SMIM14: variants seen among roughly 807,000 people sequenced by gnomAD.
SMIM14 encodes the protein chromosome 4 open reading frame 34.
A neutral mutation model predicts 12.6 loss-of-function variants in SMIM14; 5 were observed. That is an observed-to-expected ratio of 0.40 (90% CI 0.21 to 0.83). The LOEUF is 0.83. Among genes scored for constraint, SMIM14 ranks in the 40% least tolerant of loss-of-function variants. SMIM14 has a pLI of 0.37. For synonymous variants in SMIM14, 30 were observed against 40.1 expected, an observed-to-expected ratio of 0.75 and a Z score of 0.95; for missense variants, 86 against 119.1, an observed-to-expected ratio of 0.72 and a Z score of 1.29.
At chr4:39,567,897 CCT>C (rs1367482649) in intron 3 of SMIM14, among the ~76,000 whole-genome samples, 1 of 151,980 alleles carries the variant, frequency 6.6e-6, no homozygotes, top group African/African-American at 2.4e-5. Context: ...AAAGTGAGAC[CCT>C]GTCTCAAAAC....
chr4:39,609,834 T>C (rs992785507), intron 1 of SMIM14, among the ~76,000 whole-genome samples: 3 of 152,200 alleles, frequency 2.0e-5, no homozygotes, highest in African/African-American at 7.2e-5. Flanking sequence ...AAAATGCTCT[T>C]TCAACAGATC....
At position 39,547,016 on chromosome 4, in the gene SMIM14, C is replaced by G. The variant is rs2109968235; in HGVS notation, c.*5110G>C. 6.6e-6 allele frequency: 1 copy of G among 152,238 alleles called. No individual in the cohort carries two copies. Among genetic ancestry groups the G allele is most frequent in the Admixed American group, 6.5e-5 (1 of 15,284 alleles). The allele number at this position is 152,238 out of a possible 1,614,324, so 9.4% of individuals were successfully genotyped here. ...GATATTAGTCCCTCAAAGTAAATGTCTATTTTACCTGGTATTCTAGGAAGA... is the reference window on the plus strand; with the variant it reads ...GATATTAGTCCCTCAAAGTAAATGTGTATTTTACCTGGTATTCTAGGAAGA... On this transcript the variant is annotated 3_prime_UTR_variant, in exon 5 of 5. Transcript: ENST00000295958.
intron 2 of SMIM14, among the ~76,000 whole-genome samples, chr4:39,581,106 T>C (rs188223243): frequency 6.6e-6 from 1 of 152,258 alleles, no homozygotes; most frequent in Non-Finnish European, 1.5e-5. Flanking sequence ...ATCCTTAATC[T>C]TCAATTTGGC....
rs144330537 is a variant in SMIM14 at position 39,633,404 on chromosome 4, T to G, written c.-36+5335A>C. Among the ~76,000 whole-genome samples, 146 of 152,330 alleles carry G rather than the reference T, an allele frequency of 9.6e-4. 4 individuals carry two copies. In the East Asian group the frequency reaches 0.027, roughly 28 times the overall value. ...TTTAAGGCCATGGTTCACCATAATA[T>G]TATTTATAATTGTGAAAAACTGGAA... On this transcript the variant is annotated intron_variant, in intron 1 of 4. Transcript: ENST00000295958.
At position 39,548,578 on chromosome 4, in the gene SMIM14, C is replaced by T. The variant is rs974564528; in HGVS notation, c.*3548G>A. 6.6e-5 allele frequency: 10 copies of T among 151,864 alleles called. No homozygotes were observed. The highest frequency in any genetic ancestry group is 2.4e-4 in the African/African-American group (10 of 41,338). The allele number at this position is 151,864 out of a possible 1,614,324, so 9.4% of individuals were successfully genotyped here. ...ATGTAAGCTTTATCTTTCTTTTTTC[C>T]TAGATTATTTAAAGAGGATTGTAGC... On this transcript the variant is annotated 3_prime_UTR_variant, in exon 5 of 5. Transcript: ENST00000295958.
intron 2 of SMIM14, among the ~76,000 whole-genome samples, chr4:39,581,432 A>C (rs568362385): frequency 7.2e-5 from 11 of 152,144 alleles, no homozygotes; most frequent in African/African-American, 2.6e-4. Flanking sequence ...GATCATCAGA[A>C]TTAAAAGACA....
chr4:39,601,237 C>T (rs1473020226), intron 2 of SMIM14, among the ~76,000 whole-genome samples: 1 of 152,122 alleles, frequency 6.6e-6, no homozygotes, highest in East Asian at 1.9e-4. Flanking sequence ...TGTAAATCAT[C>T]ATTAAAATCT....
chr4:39,580,944 AT>A (rs1489629149), intron 2 of SMIM14, among the ~76,000 whole-genome samples: 1 of 152,162 alleles, frequency 6.6e-6, no homozygotes, highest in African/African-American at 2.4e-5. Context: ...TAAAATATTA[AT>A]GTACATAAAG....
chr4:39,620,162 G>C (rs2381395), intron 1 of SMIM14, among the ~76,000 whole-genome samples: 10,704 of 148,076 alleles, frequency 0.072, 655 homozygotes, highest in East Asian at 0.25. Flanking sequence ...GAAACAGCAA[G>C]ATCCCATCTC....
intron 2 of SMIM14, among the ~76,000 whole-genome samples, chr4:39,573,443 A>G (rs1178396846): frequency 1.3e-5 from 2 of 152,170 alleles, no homozygotes; most frequent in Non-Finnish European, 2.9e-5. Context: ...ACGTATCTTC[A>G]AAATCATACA....
intron 2 of SMIM14, among the ~76,000 whole-genome samples, chr4:39,573,380 G>C (rs1288035416): frequency 6.6e-6 from 1 of 152,140 alleles, no homozygotes; most frequent in Non-Finnish European, 1.5e-5. Flanking sequence ...TTACAGGCAT[G>C]AGCCACCATG....
intron 1 of SMIM14, among the ~76,000 whole-genome samples, chr4:39,628,546 G>A (rs1029004152): frequency 6.6e-6 from 1 of 150,832 alleles, no homozygotes; most frequent in Non-Finnish European, 1.5e-5. Flanking sequence ...GGGCATAGTG[G>A]CACACGCGTA....
intron 1 of SMIM14, among the ~76,000 whole-genome samples, chr4:39,619,148 A>T (rs1715337727): frequency 6.7e-6 from 1 of 149,046 alleles, no homozygotes; most frequent in South Asian, 2.1e-4. Flanking sequence ...GAAAATTGAG[A>T]TAATTATAAT....
intron 3 of SMIM14, among the ~76,000 whole-genome samples, chr4:39,568,150 A>G (rs975298071): frequency 2.0e-5 from 3 of 151,730 alleles, no homozygotes; most frequent in Non-Finnish European, 2.9e-5. Flanking sequence ...GTGGTAGTGC[A>G]TTCCTGTAAT....
At chr4:39,613,744 C>T (rs1428754783) in intron 1 of SMIM14, among the ~76,000 whole-genome samples, 1 of 152,086 alleles carries the variant, frequency 6.6e-6, no homozygotes, top group African/African-American at 2.4e-5. Context: ...GTTCATCTCC[C>T]CGATATATAT....
At chr4:39,574,871 T>A (rs1444477356) in intron 2 of SMIM14, among the ~76,000 whole-genome samples, 1 of 152,036 alleles carries the variant, frequency 6.6e-6, no homozygotes, top group Non-Finnish European at 1.5e-5. Context: ...CGGTGGCTCA[T>A]GCCTGTAATT....
At chr4:39,611,038 A>G (rs1715012541) in intron 1 of SMIM14, among the ~76,000 whole-genome samples, 1 of 152,234 alleles carries the variant, frequency 6.6e-6, no homozygotes, top group Admixed American at 6.5e-5. Flanking sequence ...CATGTGCAAT[A>G]TCAGGGCTAG....
At chr4:39,557,254 C>T (rs569182846) in intron 3 of SMIM14, among the ~76,000 whole-genome samples, 1 of 152,190 alleles carries the variant, frequency 6.6e-6, no homozygotes, top group South Asian at 2.1e-4. Flanking sequence ...TCAGGTGATC[C>T]ACCTGCCTTG....
intron 4 of SMIM14, among the ~76,000 whole-genome samples, chr4:39,555,301 T>A (rs1711955300): frequency 6.6e-6 from 1 of 152,118 alleles, no homozygotes; most frequent in Admixed American, 6.5e-5. Context: ...GGTGTGATCT[T>A]GGCTCACTGC....
Sources: allele counts gnomAD v4.1 joint callset (sites outside exome capture counted in the v4.1 genomes callset), GRCh38; gene constraint gnomAD v4.1.1; transcripts MANE v1.5; gene names NCBI Gene and HGNC (gene_info 2026-07-23, HGNC 2026-07-21).